Variants in URI1 observed in about 807,000 individuals in gnomAD.
URI1 encodes URI1 prefoldin like chaperone.
A neutral mutation model predicts 60.2 loss-of-function variants in URI1; 39 were observed. The observed-to-expected ratio is 0.65, with a 90% CI of 0.50 to 0.85. The LOEUF (loss-of-function observed/expected upper bound fraction) is 0.85. Ranked by LOEUF, URI1 falls within the 40% of genes least tolerant of loss-of-function variation. The pLI is 0.00. For missense variants in URI1, 691 were observed against 665.9 expected (o/e 1.04, Z -0.42); for synonymous variants, 251 against 236.8 (o/e 1.06, Z -0.55).
chr19:29,985,170 A>G (rs1326262906), intron 2 of URI1, 53 bp from the exon 3 acceptor site: 35 of 251,428 alleles, frequency 1.4e-4, no homozygotes, highest in African/African-American at 4.8e-4. Flanking sequence ...AAAAAAAAAA[A>G]AAAAAAAGAA....
intron 4 of URI1, among the ~76,000 whole-genome samples, chr19:29,992,217 G>C (rs1361923563): frequency 6.6e-6 from 1 of 152,096 alleles, no homozygotes; most frequent in Non-Finnish European, 1.5e-5. Flanking sequence ...TTACAGGCGA[G>C]TGCCACCATG....
chr19:29,939,917 T>C (rs1389190901), upstream of URI1, among the ~76,000 whole-genome samples: 1 of 152,134 alleles, frequency 6.6e-6, no homozygotes, highest in African/African-American at 2.4e-5. Context: ...GTAGGATGTC[T>C]GGATTTGATT....
At position 30,007,610 on chromosome 19, in the gene URI1, C is replaced by G. The variant is rs760817697; in HGVS notation, c.658C>G (p.Gln220Glu). The G allele has an allele frequency of 5.0e-6, 8 of 1,608,876 alleles. No homozygotes were observed. Among genetic ancestry groups the G allele is most frequent in the Non-Finnish European group, 6.8e-6 (8 of 1,177,684 alleles). The change falls in exon 7 of 11, where the codon CAG becomes GAG. Residue 220 changes from glutamine (Q) to glutamate (E), a missense_variant. By Grantham distance (29) the Gln-to-Glu change is conservative. Coordinates refer to ENST00000392271, the MANE Select transcript of URI1 (RefSeq NM_003796.3). ...GGCTCGACTTGAAGAACTAGAGAGACAGGAAGAATTGCTGGGTGAACTTGA... is the reference window on the plus strand; with the variant it reads ...GGCTCGACTTGAAGAACTAGAGAGAGAGGAAGAATTGCTGGGTGAACTTGA... ...LWARLEELER[Q>E]EELLGELDSK...
At chr19:29,974,239 G>C (rs969378050) in intron 2 of URI1, among the ~76,000 whole-genome samples, 2 of 151,750 alleles carry the variant, frequency 1.3e-5, no homozygotes, top group Non-Finnish European at 2.9e-5. Context: ...CACCCTGCCC[G>C]GCACTCAATA....
At chr19:29,927,959 C>T (rs1314744001) in intron 1 of URI1, among the ~76,000 whole-genome samples, 1 of 152,006 alleles carries the variant, frequency 6.6e-6, no homozygotes, top group East Asian at 1.9e-4. Flanking sequence ...CTACACGACA[C>T]TCCAGGCTAG....
chr19:29,971,074 TG>T, intron 1 of URI1, 118 bp from the exon 2 acceptor site: 1 of 927,364 alleles, frequency 1.1e-6, no homozygotes, highest in African/African-American at 1.6e-5. Context: ...CAAATAAAAA[TG>T]TATACTGAGA....
Position 29,986,411 on chromosome 19 carries a change from A to C in URI1, c.361A>C (p.Lys121Gln), listed in dbSNP as rs778768580. The C allele has an allele frequency of 6.2e-7, 1 of 1,607,144 alleles. No individual in the cohort carries two copies. Among genetic ancestry groups the C allele is most frequent in the Admixed American group, 1.7e-5 (1 of 57,224 alleles). Residue 121 changes from lysine to glutamine, a missense_variant, in exon 4 of 11, where the codon AAA (lysine) becomes CAA (glutamine). Lys to Gln is a moderately conservative substitution (Grantham distance 53). Transcript: ENST00000392271. The part of the protein sequence containing the change: ...KQAVGLVEHR[K>Q]EHVRKTIDDL... ...GGCTGTAGGTTTAGTTGAGCACCGG[A>C]AAGAACGTAGGTACCCATTTTAAAT...
At chr19:30,010,313 G>A (rs1280007688) in intron 8 of URI1, among the ~76,000 whole-genome samples, 2 of 152,108 alleles carry the variant, frequency 1.3e-5, no homozygotes, top group Non-Finnish European at 2.9e-5. Context: ...AGTTATTCCT[G>A]CTCCTATATG....
At chr19:29,942,999 A>C (rs1463786159) in intron 1 of URI1, among the ~76,000 whole-genome samples, 2 of 152,164 alleles carry the variant, frequency 1.3e-5, no homozygotes, top group Non-Finnish European at 2.9e-5. Context: ...ACATTGCTTA[A>C]AATGTGTACT....
Position 29,956,943 on chromosome 19 carries a change from C to T in URI1, c.118-14250C>T, listed in dbSNP as rs1599672527. 20 of 1,010,516 alleles carry T rather than the reference C, an allele frequency of 2.0e-5. No homozygotes were observed. The East Asian group carries it at 4.7e-4, about 24-fold the overall frequency. The allele number at this position is 1,010,516 out of a possible 1,614,324, so 62.6% of individuals were successfully genotyped here. On this transcript the variant is annotated intron_variant, in intron 1 of 10. Coordinates refer to ENST00000392271, the MANE Select transcript of URI1 (RefSeq NM_003796.3). ...GTGCGTCCCTTCAGAGTAACGTTGA[C>T]ATTTTCTGGAATGTCAACAGTCTGA...
intron 1 of URI1, among the ~76,000 whole-genome samples, chr19:29,944,729 G>T (rs936332897): frequency 2.6e-5 from 4 of 152,166 alleles, no homozygotes; most frequent in African/African-American, 7.2e-5. Context: ...TCATGGGTGT[G>T]TAAAATTATC....
Position 29,942,548 on chromosome 19 carries a change from ATGGAGGCGCCCACCG to A in URI1, c.7_21del (p.AlaProThrValGlu3_?7), listed in dbSNP as rs752991171. Reference sequence around the variant, plus strand: ...CCGCGCTGAGGCCCGCGGGCCCGTCATGGAGGCGCCCACCGTGGAGACGCCCCCCGACCCCTCGCC... The same window carrying A: ...CCGCGCTGAGGCCCGCGGGCCCGTCATGGAGACGCCCCCCGACCCCTCGCC... On this transcript the variant is annotated start_lost and inframe_deletion, in exon 1 of 11. Transcript: ENST00000392271. The A allele has an allele frequency of 5.8e-5, 82 of 1,409,404 alleles. No homozygotes were observed. Among genetic ancestry groups the A allele is most frequent in the Non-Finnish European group, 7.2e-5 (78 of 1,082,292 alleles). The allele number at this position is 1,409,404 out of a possible 1,614,324, so 87.3% of individuals were successfully genotyped here.
chr19:29,977,595 G>A (rs970722330), intron 2 of URI1, among the ~76,000 whole-genome samples: 6 of 119,866 alleles, frequency 5.0e-5, no homozygotes, highest in Non-Finnish European at 6.7e-5. Context: ...TGAGCAGAGA[G>A]CAACTGCCAA....
At chr19:29,938,232 A>G (rs1449579191), upstream of URI1, among the ~76,000 whole-genome samples, 2 of 152,096 alleles carry the variant, frequency 1.3e-5, no homozygotes, top group East Asian at 3.9e-4. Flanking sequence ...TGTGGCACCA[A>G]CACCTGCTCG....
chr19:29,948,414 GT>G (rs1426592066), intron 1 of URI1, among the ~76,000 whole-genome samples: 2 of 152,086 alleles, frequency 1.3e-5, no homozygotes, highest in African/African-American at 4.8e-5. Flanking sequence ...TATATTCCAA[GT>G]TTGCTATGAG....
intron 2 of URI1, among the ~76,000 whole-genome samples, chr19:29,972,414 T>G (rs958358793): frequency 2.0e-5 from 3 of 152,106 alleles, no homozygotes; most frequent in Non-Finnish European, 4.4e-5. Flanking sequence ...TTTTTTCCCC[T>G]GCACATTTAG....
chr19:30,009,419 T>C, intron 8 of URI1, 66 bp downstream of exon 8: 1 of 1,379,946 alleles, frequency 7.2e-7, no homozygotes, highest in South Asian at 1.3e-5. Flanking sequence ...TGATATTTTT[T>C]AGAAGAGCAA....
At chr19:29,933,825 A>T (rs200373072) in intron 1 of URI1, among the ~76,000 whole-genome samples, 1 of 352 alleles carries the variant, frequency 2.8e-3, no homozygotes, top group East Asian at 0.25. Flanking sequence ...CGATCTCTTT[A>T]AAAAAAAAAA....
At chr19:29,930,917 A>T (rs1164715402) in intron 1 of URI1, among the ~76,000 whole-genome samples, 1 of 148,150 alleles carries the variant, frequency 6.7e-6, no homozygotes, top group East Asian at 2.0e-4. Flanking sequence ...CATGTTGGCC[A>T]GGCTGGCCTC....
Sources: gnomAD v4.1 joint callset for allele counts (sites outside exome capture counted in the v4.1 genomes callset) on GRCh38, gnomAD v4.1.1 for gene constraint, MANE v1.5 for transcripts, NCBI Gene and HGNC (gene_info 2026-07-23, HGNC 2026-07-21) for gene names.